Variants in GHR observed in about 807,000 individuals in gnomAD.
GHR encodes the protein growth hormone receptor.
Under a neutral mutation model 67.1 loss-of-function variants are expected in GHR, and 35 were observed. That is an observed-to-expected ratio of 0.52 (90% CI 0.40 to 0.69). The LOEUF (loss-of-function observed/expected upper bound fraction) is 0.69. Ranked by LOEUF, GHR falls within the 30% of genes least tolerant of loss-of-function variation. The pLI, the probability that GHR is intolerant of heterozygous loss-of-function variation, is 0.00. For synonymous variants in GHR, 272 were observed against 269.1 expected (o/e 1.01, Z -0.10); for missense variants, 792 against 764.6 (o/e 1.04, Z -0.42).
At chr5:42,573,866 T>G (rs1401011409) in intron 2 of GHR, among the ~76,000 whole-genome samples, 1 of 152,276 alleles carries the variant, frequency 6.6e-6, no homozygotes, top group East Asian at 1.9e-4. Context: ...TTTTTTAATT[T>G]TTTGGCAAAA....
At chr5:42,468,831 C>A in intron 1 of GHR, 1 of 1,007,924 alleles carries the variant, frequency 9.9e-7, no homozygotes, top group South Asian at 1.6e-5. Flanking sequence ...GGTTGGTGAC[C>A]AGGCAGCTGA....
intron 5 of GHR, among the ~76,000 whole-genome samples, chr5:42,699,564 C>T (rs1757833358): frequency 6.6e-6 from 1 of 151,746 alleles, no homozygotes; most frequent in South Asian, 2.1e-4. Context: ...CATGGCAGAT[C>T]TTGTAAATAG....
At chr5:42,682,561 G>A (rs1309797370) in intron 3 of GHR, among the ~76,000 whole-genome samples, 1 of 152,152 alleles carries the variant, frequency 6.6e-6, no homozygotes, top group Non-Finnish European at 1.5e-5. Context: ...TAGGAATGCT[G>A]AGTGTCTTCA....
At chr5:42,609,968 A>T (rs1007821848) in intron 2 of GHR, among the ~76,000 whole-genome samples, 1 of 152,192 alleles carries the variant, frequency 6.6e-6, no homozygotes, top group Non-Finnish European at 1.5e-5. Flanking sequence ...TTAAAAAGTA[A>T]ATCAGGAGGC....
chr5:42,425,060 G>C (rs1344184433), intron 1 of GHR: 3 of 972,762 alleles, frequency 3.1e-6, no homozygotes, highest in Non-Finnish European at 3.7e-6. Context: ...CCAAAGTGTT[G>C]GGAAGTCAGA....
At chr5:42,647,817 T>C (rs558210100) in intron 3 of GHR, 2 of 318,710 alleles carry the variant, frequency 6.3e-6, no homozygotes, top group Non-Finnish European at 6.1e-6. Flanking sequence ...CAAATGTCTA[T>C]TTGAAAATTT....
Position 42,699,811 on chromosome 5 carries a change from T to C in GHR, c.440-13T>C, listed in dbSNP as rs1757843883. 4 of 1,583,158 alleles carry C rather than the reference T, an allele frequency of 2.5e-6. No homozygotes were observed. Among genetic ancestry groups the C allele is most frequent in the South Asian group, 1.1e-5 (1 of 90,494 alleles). On this transcript the variant is annotated splice_polypyrimidine_tract_variant and intron_variant, in intron 5 of 9. Coordinates refer to ENST00000230882, the MANE Select transcript of GHR (RefSeq NM_000163.5). ...TGTCTGTCTGTGTACTAATGCTCTG[T>C]TGAATTGCACAGTGCAACCAGATCC...
intron 1 of GHR, among the ~76,000 whole-genome samples, chr5:42,499,931 C>G (rs111704198): frequency 6.6e-6 from 1 of 152,288 alleles, no homozygotes; most frequent in African/African-American, 2.4e-5. Context: ...AAGCATATGT[C>G]CCTTCTAGAG....
chr5:42,426,771 T>C (rs1243254145), intron 1 of GHR, among the ~76,000 whole-genome samples: 1 of 152,122 alleles, frequency 6.6e-6, no homozygotes, highest in African/African-American at 2.4e-5. Flanking sequence ...GGCAAGTAAT[T>C]TTTTTCAACC....
In GHR at chr5:42,697,872, A is replaced by G. The variant is rs73751231; in HGVS notation, c.440-1952A>G. Among the ~76,000 whole-genome samples the G allele has an allele frequency of 8.2e-3, 1,253 of 152,252 alleles. 12 individuals carry two copies. Among genetic ancestry groups the G allele is most frequent in the African/African-American group, 0.029 (1,213 of 41,538 alleles). On this transcript the variant is annotated intron_variant, in intron 5 of 9. Coordinates refer to ENST00000230882, the MANE Select transcript of GHR (RefSeq NM_000163.5). ...AAGACCAAAGGGGTACAGTGGGGAG[A>G]CAAATGAAGCAAGAAGAATGAAAAA... is the stretch of plus-strand genomic sequence containing the variant.
At position 42,686,640 on chromosome 5, in the gene GHR, A is replaced by G. The variant is rs141557054; in HGVS notation, c.137-2250A>G. ...CAAAATTCAACAGCCTTTCATGCTA[A>G]AAACTCTCAATTAACTAGGTATTCA... On this transcript the variant is annotated intron_variant, in intron 3 of 9. Transcript: ENST00000230882. Among the ~76,000 whole-genome samples, 538 of 152,352 alleles carry G rather than the reference A, an allele frequency of 3.5e-3. 5 individuals are homozygous for G. The highest frequency in any genetic ancestry group is 0.012 in the African/African-American group (497 of 41,586).
At chr5:42,472,829 A>G (rs1745070986) in intron 1 of GHR, among the ~76,000 whole-genome samples, 1 of 152,190 alleles carries the variant, frequency 6.6e-6, no homozygotes, top group Non-Finnish European at 1.5e-5. Flanking sequence ...CTTCTGCTGG[A>G]TAGGAGGTAC....
At chr5:42,645,614 G>C (rs1754691294) in intron 3 of GHR, among the ~76,000 whole-genome samples, 1 of 152,156 alleles carries the variant, frequency 6.6e-6, no homozygotes, top group African/African-American at 2.4e-5. Context: ...TACAGGCCCA[G>C]AGAGAACATT....
rs1407070031 is a variant in GHR, at chr5:42,553,428, C to T, written c.-11-12436C>T. 3.9e-5 allele frequency among the ~76,000 whole-genome samples: 6 copies of T among 152,088 alleles called. No individual in the cohort carries two copies. In the East Asian group the frequency reaches 1.2e-3, roughly 29 times the overall value. On this transcript the variant is annotated intron_variant, in intron 1 of 9. Coordinates refer to ENST00000230882, the MANE Select transcript of GHR (RefSeq NM_000163.5). ...GCATCTCATGGTTTCTGTGTGCCCCCTTCCAGCAACAAGATTCTATGTACC... is the reference window on the plus strand; with the variant it reads ...GCATCTCATGGTTTCTGTGTGCCCCTTTCCAGCAACAAGATTCTATGTACC...
chr5:42,687,689 A>G (rs1479539608), intron 3 of GHR, among the ~76,000 whole-genome samples: 2 of 152,172 alleles, frequency 1.3e-5, no homozygotes, highest in African/African-American at 4.8e-5. Context: ...TGGAATCATG[A>G]GTTTTTATGC....
At position 42,719,474 on chromosome 5, in the gene GHR, T is replaced by A. The variant is rs371027694; in HGVS notation, c.*50T>A. ...ACGTATTTAATAGCAAAGAATTGAC[T>A]GGGGCAATAACGTTTAAGCCAAAAC... On this transcript the variant is annotated 3_prime_UTR_variant, in exon 10 of 10. Coordinates refer to ENST00000230882, the MANE Select transcript of GHR (RefSeq NM_000163.5). 101 of 1,564,518 alleles carry A rather than the reference T, an allele frequency of 6.5e-5. No individual in the cohort carries two copies. Among genetic ancestry groups the A allele is most frequent in the Non-Finnish European group, 8.5e-5 (97 of 1,144,402 alleles).
intron 3 of GHR, among the ~76,000 whole-genome samples, chr5:42,650,603 G>GTATATATATATATATATA (rs1561197432): frequency 5.4e-5 from 5 of 92,732 alleles, no homozygotes; most frequent in African/African-American, 1.9e-4. Flanking sequence ...ATATATATAT[G>GTATATATATATATATATA]TATGTCTATG....
At position 42,424,672 on chromosome 5, in the gene GHR, A is replaced by C; in HGVS notation, c.-12+717A>C. 1 of 1,379,370 alleles carries C rather than the reference A, an allele frequency of 7.2e-7. No individual in the cohort carries two copies. Among genetic ancestry groups the C allele is most frequent in the Non-Finnish European group, 1.0e-6 (1 of 1,004,080 alleles). The allele number at this position is 1,379,370 out of a possible 1,614,324, so 85.4% of individuals were successfully genotyped here. A position where few individuals can be genotyped will look rare whatever the true frequency, so the allele number is the denominator to read the frequency against. The stretch of plus-strand genomic sequence containing the variant: ...AGTGGTTGTAAAATCAACCAGGCTT[A>C]AAGTTTTGACAGAACTGCCAGAGGC... On this transcript the variant is annotated intron_variant, in intron 1 of 9. Transcript: ENST00000230882. This position sits in a 1 kb window ranked among gnomAD's most constrained non-coding sequence, Gnocchi z 4.1.
Position 42,719,391 on chromosome 5 carries a change from G to A in GHR, c.1884G>A (p.Val628=), listed in dbSNP as rs145815104. Residue 628 remains valine, a synonymous_variant, in exon 10 of 10, where the codon GTG becomes GTA. Transcript: ENST00000230882. ...DKEFLSSCGY[V]STDQLNKIMP is the part of the protein sequence containing the mutation. ...AGTTTCTCTCATCATGTGGCTATGTGAGCACAGACCAACTGAACAAAATCA... is the reference window on the plus strand; with the variant it reads ...AGTTTCTCTCATCATGTGGCTATGTAAGCACAGACCAACTGAACAAAATCA... 1.4e-5 allele frequency: 22 copies of A among 1,613,724 alleles called. No individual in the cohort carries two copies. In the African/African-American group the frequency reaches 2.8e-4, roughly 21 times the overall value.
Sources: gnomAD v4.1 joint callset for allele counts (sites outside exome capture counted in the v4.1 genomes callset) on GRCh38, gnomAD v4.1.1 for gene constraint, Gnocchi (gnomAD v3.1) non-coding constraint, MANE v1.5 for transcripts, NCBI Gene and HGNC (gene_info 2026-07-23, HGNC 2026-07-21) for gene names.